LMBRD1: variants seen among roughly 807,000 people sequenced by gnomAD.
LMBRD1 encodes the protein LMBR1 domain containing 1.
LMBRD1 carries 64 observed loss-of-function variants against 74.8 expected under a neutral mutation model. The observed-to-expected ratio is 0.86, with a 90% confidence interval of 0.70 to 1.05. LMBRD1 has a LOEUF of 1.05. Ranked by LOEUF, LMBRD1 falls within the 50% of genes least tolerant of loss-of-function variation. LMBRD1 has a pLI of 0.00. For synonymous variants in LMBRD1, 204 were observed against 216.3 expected, an observed-to-expected ratio of 0.94 and a Z score of 0.50; for missense variants, 652 against 645.9, an observed-to-expected ratio of 1.01 and a Z score of -0.10.
chr6:69,720,743 C>A (rs549542334), intron 7 of LMBRD1, among the ~76,000 whole-genome samples: 2 of 152,136 alleles, frequency 1.3e-5, no homozygotes, highest in African/African-American at 2.4e-5. Context: ...TATCTACACA[C>A]AGAAAAGTAC....
intron 3 of LMBRD1, among the ~76,000 whole-genome samples, chr6:69,767,629 T>C (rs1173324658): frequency 1.3e-5 from 2 of 151,960 alleles, no homozygotes; most frequent in African/African-American, 4.8e-5. Context: ...TAGTCTATAC[T>C]GAAGAATGTT....
intron 9 of LMBRD1, among the ~76,000 whole-genome samples, chr6:69,702,572 C>T (rs2149845872): frequency 6.6e-6 from 1 of 151,996 alleles, no homozygotes; most frequent in Non-Finnish European, 1.5e-5. Flanking sequence ...ATTGTATGAA[C>T]TTTATATTAA....
rs371412594 is a variant in LMBRD1 at position 69,695,638 on chromosome 6, G to GT, written c.1417+1924dup. ...AAATAGTTGTTGTATTGCTTTTTGT[G>GT]TTTTTTTTAAATTGTTTCTTTGTTA... On this transcript the variant is annotated intron_variant, in intron 14 of 15. Transcript: ENST00000649934. Among the ~76,000 whole-genome samples, 702 of 151,720 alleles carry GT rather than the reference G, an allele frequency of 4.6e-3. 5 individuals carry two copies. Among genetic ancestry groups the GT allele is most frequent in the African/African-American group, 0.015 (630 of 41,366 alleles).
At position 69,719,377 on chromosome 6, in the gene LMBRD1, G is replaced by A. The variant is rs200893083; in HGVS notation, c.637-296C>T. Among the ~76,000 whole-genome samples the A allele has an allele frequency of 4.6e-5, 7 of 151,960 alleles. No homozygotes were observed. In the South Asian group the frequency reaches 1.5e-3, roughly 32 times the overall value. On this transcript the variant is annotated intron_variant, in intron 7 of 15. Coordinates refer to ENST00000649934, the MANE Select transcript of LMBRD1 (RefSeq NM_018368.4). ...TAATAATTACAAATTCAGACTAATC[G>A]AAGGTTAAGATACTATAAATTAGTA...
At chr6:69,781,440 A>T (rs1268742951) in intron 2 of LMBRD1, among the ~76,000 whole-genome samples, 3 of 152,210 alleles carry the variant, frequency 2.0e-5, no homozygotes. Context: ...AGCTCAAGTC[A>T]GTGTCAACAT....
chr6:69,745,506 C>A (rs1767206176), intron 5 of LMBRD1, among the ~76,000 whole-genome samples: 1 of 151,914 alleles, frequency 6.6e-6, no homozygotes, highest in African/African-American at 2.4e-5. Flanking sequence ...GATCCACCCG[C>A]CTCGGCCTCC....
chr6:69,712,598 G>C (rs892721104), intron 9 of LMBRD1, among the ~76,000 whole-genome samples: 8 of 151,904 alleles, frequency 5.3e-5, no homozygotes, highest in Admixed American at 5.3e-4. Context: ...GGATGTGCCT[G>C]AAAGACATTA....
At chr6:69,715,519 T>C (rs1256391868) in intron 8 of LMBRD1, among the ~76,000 whole-genome samples, 6 of 152,118 alleles carry the variant, frequency 3.9e-5, no homozygotes, top group Admixed American at 2.6e-4. Context: ...AATGTAGTTA[T>C]ACAGGTTAAA....
At chr6:69,692,486 T>C (rs1765908850) in intron 14 of LMBRD1, among the ~76,000 whole-genome samples, 1 of 152,188 alleles carries the variant, frequency 6.6e-6, no homozygotes, top group Non-Finnish European at 1.5e-5. Context: ...TGAATTTTTA[T>C]AAATGATCAT....
chr6:69,752,153 A>G, intron 4 of LMBRD1, 106 bp downstream of exon 4: 1 of 1,052,244 alleles, frequency 9.5e-7, no homozygotes, highest in South Asian at 1.5e-5. Context: ...TTGTATTTCT[A>G]TTAGACAACA....
In LMBRD1 at chr6:69,752,369, A is replaced by G; in HGVS notation, c.308-13T>C. ...ACAGAATATAAAGCTGTGGAAATAA[A>G]TAATAAACCGAGCTTTACTAAATAC... On this transcript the variant is annotated splice_polypyrimidine_tract_variant and intron_variant, in intron 3 of 15. Transcript: ENST00000649934. 1 of 1,592,340 alleles carries G rather than the reference A, an allele frequency of 6.3e-7. No homozygotes were observed. The highest frequency in any genetic ancestry group is 8.6e-7 in the Non-Finnish European group (1 of 1,161,236).
intron 14 of LMBRD1, among the ~76,000 whole-genome samples, chr6:69,694,521 T>C (rs1765953922): frequency 1.3e-5 from 2 of 152,346 alleles, no homozygotes; most frequent in South Asian, 4.1e-4. Context: ...AACATTTTAC[T>C]ATTATTTCTT....
chr6:69,743,272 AC>A (rs1191343832), intron 5 of LMBRD1, among the ~76,000 whole-genome samples: 1 of 152,156 alleles, frequency 6.6e-6, no homozygotes, highest in Non-Finnish European at 1.5e-5. Context: ...ACAAAATACC[AC>A]CCATCATACT....
At chr6:69,737,912 T>A (rs1414433540) in intron 7 of LMBRD1, 30 bp downstream of exon 7, 2 of 1,516,390 alleles carry the variant, frequency 1.3e-6, no homozygotes, top group Non-Finnish European at 1.8e-6. Flanking sequence ...TATAAGGCAA[T>A]TTTAACTCAA....
Position 69,740,920 on chromosome 6 carries a change from CT to C in LMBRD1, c.562+868del, listed in dbSNP as rs538609463. On this transcript the variant is annotated intron_variant, in intron 6 of 15. Coordinates refer to ENST00000649934, the MANE Select transcript of LMBRD1 (RefSeq NM_018368.4). Reference sequence around the variant, plus strand: ...AATTTTCTTAACCTAATCCGTGAGCCTTTTTTTTCTGTAAAAACCTAGGTCA... The same window carrying C: ...AATTTTCTTAACCTAATCCGTGAGCCTTTTTTTCTGTAAAAACCTAGGTCA... Among the ~76,000 whole-genome samples, 5 of 151,748 alleles carry C rather than the reference CT, an allele frequency of 3.3e-5. No individual in the cohort carries two copies. In the South Asian group the frequency reaches 1.0e-3, roughly 32 times the overall value.
chr6:69,752,242 AAAAT>A lies in LMBRD1; in HGVS notation c.405+13_405+16del. ...TTTTCTTTCCTAAACTAAGGCCTCTAAAATAAAGATACTTACAGTACATTTACTA... is the reference window on the plus strand; with the variant it reads ...TTTTCTTTCCTAAACTAAGGCCTCTAAAAGATACTTACAGTACATTTACTA... On this transcript the variant is annotated intron_variant, in intron 4 of 15. Transcript: ENST00000649934. The A allele has an allele frequency of 6.2e-7, 1 of 1,604,348 alleles. No homozygotes were observed. Among genetic ancestry groups the A allele is most frequent in the Non-Finnish European group, 8.5e-7 (1 of 1,173,092 alleles).
intron 5 of LMBRD1, among the ~76,000 whole-genome samples, chr6:69,745,424 A>G (rs1361566975): frequency 6.7e-6 from 1 of 149,996 alleles, no homozygotes; most frequent in Admixed American, 6.6e-5. Flanking sequence ...GTGCCCGGCT[A>G]ATTTTTTGTA....
At chr6:69,695,120 T>G (rs1280491340) in intron 14 of LMBRD1, among the ~76,000 whole-genome samples, 1 of 152,164 alleles carries the variant, frequency 6.6e-6, no homozygotes. Flanking sequence ...CATTCTGTCC[T>G]GGATATTAAT....
intron 1 of LMBRD1, among the ~76,000 whole-genome samples, chr6:69,792,006 A>G (rs897764701): frequency 6.6e-6 from 1 of 152,234 alleles, no homozygotes; most frequent in Non-Finnish European, 1.5e-5. Flanking sequence ...CACACCTACC[A>G]GCACCATGGC....
Sources: gnomAD v4.1 joint callset for allele counts (sites outside exome capture counted in the v4.1 genomes callset) on GRCh38, gnomAD v4.1.1 for gene constraint, MANE v1.5 for transcripts, NCBI Gene and HGNC (gene_info 2026-07-23, HGNC 2026-07-21) for gene names.